The following PUM3 variants were observed in gnomAD, a reference collection of about 807,000 sequenced individuals.
The protein encoded by PUM3 is pumilio homolog 3.
PUM3 carries 91 observed loss-of-function variants against 84.0 expected under a neutral mutation model. That is an observed-to-expected ratio of 1.08 (90% CI 0.91 to 1.29). PUM3 has a LOEUF of 1.29. PUM3 is among the 50% of genes most tolerant of loss of function. PUM3 has a pLI of 0.00. For synonymous variants in PUM3, 321 were observed against 266.7 expected (o/e 1.20, Z -1.98); for missense variants, 1,067 against 767.5 (o/e 1.39, Z -4.61).
intron 4 of PUM3, 55 bp from the exon 5 acceptor site, chr9:2,833,487 A>C: frequency 1.0e-6 from 1 of 1,002,100 alleles, no homozygotes; most frequent in South Asian, 1.5e-5. Flanking sequence ...TATTTTAAAC[A>C]CACAAAATTA....
At chr9:2,833,723 G>C (rs984561393) in intron 4 of PUM3, among the ~76,000 whole-genome samples, 2 of 152,126 alleles carry the variant, frequency 1.3e-5, no homozygotes, top group African/African-American at 2.4e-5. Context: ...AACAAATACT[G>C]AAGTATCTCA....
chr9:2,818,351 C>T (rs1821517333), intron 13 of PUM3, among the ~76,000 whole-genome samples: 1 of 152,160 alleles, frequency 6.6e-6, no homozygotes, highest in South Asian at 2.1e-4. Flanking sequence ...TTGTGGGAAT[C>T]AAAGTGATAA....
At chr9:2,809,025 C>G (rs1019528304) in intron 16 of PUM3, among the ~76,000 whole-genome samples, 3 of 152,204 alleles carry the variant, frequency 2.0e-5, no homozygotes, top group Admixed American at 6.5e-5. Context: ...CCCCAGCCAA[C>G]AGTCAGTACT....
Position 2,807,808 on chromosome 9 carries a change from AC to A in PUM3, c.1814+5del, listed in dbSNP as rs1356591308. Reference sequence around the variant, plus strand: ...CTGCTCAGAGAAGGGCACATGTTATACATACCTAGAAAGAATAATGGCACCT... The same window carrying A: ...CTGCTCAGAGAAGGGCACATGTTATAATACCTAGAAAGAATAATGGCACCT... On this transcript the variant is annotated splice_donor_5th_base_variant and intron_variant, in intron 17 of 17. Transcript: ENST00000397885. 6.3e-7 allele frequency: 1 copy of A among 1,588,986 alleles called. No homozygotes were observed. The highest frequency in any genetic ancestry group is 2.2e-5 in the East Asian group (1 of 44,740).
In PUM3 at chr9:2,811,564, G is replaced by A. The variant is rs761766869; in HGVS notation, c.1432C>T (p.Arg478Cys). The change falls in exon 15 of 18, where the codon CGC (arginine) becomes TGC (cysteine). Residue 478 changes from arginine (R) to cysteine (C), a missense_variant. Arg to Cys is a radical substitution (Grantham distance 180). Coordinates refer to ENST00000397885, the MANE Select transcript of PUM3 (RefSeq NM_014878.5). ...ATGGATTCTAGGAGCTCCCGTCTGC[G>A]GACCTCTGTATCTTTCTTACTGTTG... Reference protein sequence around the residue: ...NAHSKKDTEVRRRELLESISP... With the variant: ...NAHSKKDTEVCRRELLESISP... 1.1e-5 allele frequency: 18 copies of A among 1,613,654 alleles called. No individual in the cohort carries two copies. Among genetic ancestry groups the A allele is most frequent in the East Asian group, 2.2e-5 (1 of 44,886 alleles).
rs1821265431 is a variant in PUM3 at position 2,806,734 on chromosome 9, C to G, written c.1814+1080G>C. 2.0e-5 allele frequency among the ~76,000 whole-genome samples: 3 copies of G among 152,160 alleles called. No homozygotes were observed. The South Asian group carries it at 6.2e-4, about 32-fold the overall frequency. On this transcript the variant is annotated intron_variant, in intron 17 of 17. Transcript: ENST00000397885. ...GAATAATACAAAAGAGGCCATAGCTCATCACTGTTTTTTTCTCATTTTAAG... is the reference window on the plus strand; with the variant it reads ...GAATAATACAAAAGAGGCCATAGCTGATCACTGTTTTTTTCTCATTTTAAG...
chr9:2,819,802 A>G (rs1209072033), intron 13 of PUM3, among the ~76,000 whole-genome samples: 1 of 152,230 alleles, frequency 6.6e-6, no homozygotes, highest in Non-Finnish European at 1.5e-5. Context: ...CCAGTCTTAA[A>G]TATTTAAAAC....
At chr9:2,832,794 A>T (rs1218190076) in intron 5 of PUM3, among the ~76,000 whole-genome samples, 1 of 152,222 alleles carries the variant, frequency 6.6e-6, no homozygotes, top group Non-Finnish European at 1.5e-5. Context: ...AGGTGCCGTA[A>T]AACTATGAGA....
In PUM3 at chr9:2,829,942, T is replaced by C. The variant is rs1225082418; in HGVS notation, c.684A>G (p.Lys228=). ...TTCTGATTATCTCTGCAATCTGTGG[T>C]TTACTTCTAAACGCAACACAATCAT... ...IVKKFLMYGS[K]PQIAEIIRSF... Residue 228 remains lysine (K), a synonymous_variant, in exon 8 of 18, where the codon AAA becomes AAG. Transcript: ENST00000397885. The C allele has an allele frequency of 1.2e-6, 2 of 1,610,372 alleles. No homozygotes were observed. The highest frequency in any genetic ancestry group is 1.7e-6 in the Non-Finnish European group (2 of 1,177,446).
At chr9:2,809,008 T>C (rs2129786131) in intron 16 of PUM3, among the ~76,000 whole-genome samples, 1 of 152,308 alleles carries the variant, frequency 6.6e-6, no homozygotes, top group East Asian at 1.9e-4. Flanking sequence ...AAACTGAGGC[T>C]GTTGGTCCCC....
intron 13 of PUM3, among the ~76,000 whole-genome samples, chr9:2,816,256 T>C (rs1189469624): frequency 6.6e-6 from 1 of 152,178 alleles, no homozygotes; most frequent in African/African-American, 2.4e-5. Context: ...ATTTAACTAA[T>C]GGATAACAGA....
At chr9:2,806,269 A>G (rs1443906772) in intron 17 of PUM3, among the ~76,000 whole-genome samples, 1 of 152,254 alleles carries the variant, frequency 6.6e-6, no homozygotes, top group Admixed American at 6.5e-5. Flanking sequence ...AAGTTCATGT[A>G]TCAGCTAACG....
intron 3 of PUM3, among the ~76,000 whole-genome samples, chr9:2,834,627 C>A (rs1053773091): frequency 6.6e-6 from 1 of 152,064 alleles, no homozygotes; most frequent in Non-Finnish European, 1.5e-5. Flanking sequence ...TACAACAACT[C>A]GAAGAGGTAG....
At chr9:2,830,909 C>T in intron 7 of PUM3, 53 bp downstream of exon 7, 1 of 915,828 alleles carries the variant, frequency 1.1e-6, no homozygotes, top group Non-Finnish European at 1.7e-6. Context: ...CAGTTGGAAA[C>T]CATGTCTTCA....
chr9:2,837,278 T>C lies in PUM3; in HGVS notation c.206A>G (p.Lys69Arg), dbSNP rs1335492252. The stretch of plus-strand genomic sequence containing the variant: ...TGATTTGTCCCCTTGCTGCTTATTC[T>C]TGAACTGCTTTACACCCTTTTTCCC... ...KLGKKGVKQF[K>R]NKQQGDKSPK... is the part of the protein sequence containing the mutation. The change falls in exon 3 of 18, where the codon AAG (lysine) becomes AGG (arginine). Residue 69 changes from lysine (K) to arginine (R), a missense_variant. By Grantham distance (26) the Lys-to-Arg change is conservative. Transcript: ENST00000397885. 3 of 1,614,058 alleles carry C rather than the reference T, an allele frequency of 1.9e-6. No homozygotes were observed. In the African/African-American group the frequency reaches 4.0e-5, roughly 22 times the overall value.
At position 2,831,021 on chromosome 9, in the gene PUM3, C is replaced by G. The variant is rs777743765; in HGVS notation, c.618G>C (p.Leu206Phe). ...KQAFEELRDD[L>F]VELSKAKYSR... ...AATATTTGGCTTTACTTAACTCAAC[C>G]AAATCATCTGAAAAACAAAAATACA... The change falls in exon 7 of 18, where the codon TTG becomes TTC. Residue 206 changes from leucine (L) to phenylalanine (F), a missense_variant. By Grantham distance (22) the Leu-to-Phe change is conservative (BLOSUM62 0). Transcript: ENST00000397885. 6.7e-7 allele frequency: 1 copy of G among 1,484,608 alleles called. No homozygotes were observed. Among genetic ancestry groups the G allele is most frequent in the Admixed American group, 1.8e-5 (1 of 56,950 alleles). The allele number at this position is 1,484,608 out of a possible 1,614,324, so 92.0% of individuals were successfully genotyped here.
At chr9:2,835,132 G>T (rs975536891) in intron 3 of PUM3, among the ~76,000 whole-genome samples, 4 of 152,116 alleles carry the variant, frequency 2.6e-5, no homozygotes, top group African/African-American at 9.7e-5. Flanking sequence ...TCAAAAAGTG[G>T]CCAGCTGCAG....
In PUM3 at chr9:2,810,438, A is replaced by C. The variant is rs1690706689; in HGVS notation, c.1636-7T>G. 6.3e-7 allele frequency: 1 copy of C among 1,591,858 alleles called. No individual in the cohort carries two copies. Among genetic ancestry groups the C allele is most frequent in the Admixed American group, 1.8e-5 (1 of 56,586 alleles). On this transcript the variant is annotated splice_region_variant and splice_polypyrimidine_tract_variant and intron_variant, in intron 15 of 17. Transcript: ENST00000397885. ...GATGTTCTGCAATGTGAAGCTATGA[A>C]GGGTCAAGAACAGTTAATTTTAAAA...
intron 13 of PUM3, among the ~76,000 whole-genome samples, 183 bp downstream of exon 13, chr9:2,819,835 G>C (rs971455615): frequency 1.3e-5 from 2 of 152,020 alleles, no homozygotes; most frequent in Non-Finnish European, 2.9e-5. Context: ...AAGTTACAAG[G>C]TTAAGATTTA....
Sources: allele counts gnomAD v4.1 joint callset (sites outside exome capture counted in the v4.1 genomes callset), GRCh38; gene constraint gnomAD v4.1.1; transcripts MANE v1.5; gene names NCBI Gene and HGNC (gene_info 2026-07-23, HGNC 2026-07-21).